HEXIM2: variants seen among roughly 807,000 people sequenced by gnomAD.
HEXIM2 encodes the protein protein HEXIM2.
For missense variants in HEXIM2, 413 were observed against 390.8 expected (o/e 1.06, Z -0.48); for synonymous variants, 159 against 162.7 (o/e 0.98, Z 0.17).
chr17:45,169,344 C>A lies in HEXIM2; in HGVS notation c.396C>A (p.Phe132Leu), dbSNP rs372907073. The A allele has an allele frequency of 1.2e-6, 2 of 1,613,812 alleles. No individual in the cohort carries two copies. Among genetic ancestry groups the A allele is most frequent in the African/African-American group, 1.3e-5 (1 of 75,016 alleles). ...CCTCCCGGGTCCGCGAAGAGATGTT[C>A]GCCAAAGGCCAGCCCGTGGCCCCCT... ...QRASRVREEM[F>L]AKGQPVAPYN... The change falls in exon 4 of 4, where the codon TTC becomes TTA. Residue 132 changes from phenylalanine (F) to leucine (L), a missense_variant. Transcript: ENST00000589230.
upstream of HEXIM2, chr17:45,160,937 A>T (rs1385440972): frequency 7.8e-7 from 1 of 1,289,584 alleles, no homozygotes; most frequent in East Asian, 5.5e-5. Flanking sequence ...GCTTTGGTGT[A>T]AGCGAGGTAA....
intron 3 of HEXIM2, among the ~76,000 whole-genome samples, chr17:45,167,062 A>C (rs1310105579): frequency 2.9e-5 from 4 of 138,912 alleles, no homozygotes; most frequent in African/African-American, 1.1e-4. Flanking sequence ...GCAGTGGCTC[A>C]TGCCTATAAT....
In HEXIM2 at chr17:45,169,628, CGGA is replaced by C; in HGVS notation, c.688_690del (p.Glu230del). The C allele has an allele frequency of 1.3e-6, 2 of 1,535,404 alleles. No homozygotes were observed. The highest frequency in any genetic ancestry group is 1.8e-6 in the Non-Finnish European group (2 of 1,139,266). ...GAGCTGGAGAAGCGGCTGTCGCAGG[CGGA>C]GGAGGAGACTAGGAGGCTGCAGCAG... On this transcript the variant is annotated inframe_deletion, in exon 4 of 4. Coordinates refer to ENST00000589230, the MANE Select transcript of HEXIM2 (RefSeq NM_001303441.2).
Position 45,162,750 on chromosome 17 carries a change from G to T in HEXIM2, c.-44G>T, listed in dbSNP as rs761290229. The T allele has an allele frequency of 9.3e-6, 15 of 1,613,290 alleles. No individual in the cohort carries two copies. Among genetic ancestry groups the T allele is most frequent in the Admixed American group, 1.7e-5 (1 of 59,990 alleles). On this transcript the variant is annotated splice_region_variant and 5_prime_UTR_variant, in exon 3 of 4. Transcript: ENST00000589230. ...AGGTTTCTGTTGTTGTTCAAAGCAG[G>T]TGTCACTAGTTCCAGGCGTCTGCTG...
chr17:45,163,682 C>T lies in HEXIM2; in HGVS notation c.66+823C>T, dbSNP rs541827194. On this transcript the variant is annotated intron_variant, in intron 3 of 3. Coordinates refer to ENST00000589230, the MANE Select transcript of HEXIM2 (RefSeq NM_001303441.2). ...TGGCCAACATGGTGAAACCTCATCT[C>T]TACTAAAAATACAAAAATTAGCTGG... 3.3e-5 allele frequency among the ~76,000 whole-genome samples: 5 copies of T among 152,064 alleles called. No individual in the cohort carries two copies. In the South Asian group the frequency reaches 1.0e-3, roughly 32 times the overall value.
At chr17:45,163,164 A>G (rs2042748848) in intron 3 of HEXIM2, among the ~76,000 whole-genome samples, 1 of 152,024 alleles carries the variant, frequency 6.6e-6, no homozygotes, top group Admixed American at 6.6e-5. Flanking sequence ...GCTGTACTGA[A>G]AATGCAAAAT....
At chr17:45,161,824 T>C, upstream of HEXIM2, 1 of 985,480 alleles carries the variant, frequency 1.0e-6, no homozygotes, top group Non-Finnish European at 1.2e-6. Flanking sequence ...CTTGGATCGC[T>C]TTTCAGGCCA....
rs1225823855 is a variant in HEXIM2 at position 45,162,853 on chromosome 17, G to C, written c.60G>C (p.Glu20Asp). ...CNAESPVALE[E>D]AKTSGAPGSP... Reference sequence around the variant, plus strand: ...CAGAGTCACCAGTGGCCCTGGAGGAGGCCAAGGTAAGTCCCTGCCCTCCTG... The same window carrying C: ...CAGAGTCACCAGTGGCCCTGGAGGACGCCAAGGTAAGTCCCTGCCCTCCTG... Residue 20 changes from glutamate (E) to aspartate (D), a missense_variant, in exon 3 of 4, where the codon GAG becomes GAC. Glu to Asp is a conservative substitution (Grantham distance 45, BLOSUM62 2). Transcript: ENST00000589230. The C allele has an allele frequency of 6.2e-7, 1 of 1,611,972 alleles. No individual in the cohort carries two copies. Among genetic ancestry groups the C allele is most frequent in the African/African-American group, 1.3e-5 (1 of 74,866 alleles).
chr17:45,163,553 C>G, intron 3 of HEXIM2, among the ~76,000 whole-genome samples: 1 of 152,124 alleles, frequency 6.6e-6, no homozygotes, highest in East Asian at 1.9e-4. Flanking sequence ...ACATTTTGTC[C>G]AGGCTAAGAA....
At chr17:45,166,853 A>G (rs1039306506) in intron 3 of HEXIM2, among the ~76,000 whole-genome samples, 4 of 151,656 alleles carry the variant, frequency 2.6e-5, no homozygotes, top group African/African-American at 9.7e-5. Flanking sequence ...GTGAAACCCC[A>G]TCTCTACTAA....
At chr17:45,161,051 G>A (rs1316515592), upstream of HEXIM2, 3 of 908,692 alleles carry the variant, frequency 3.3e-6, no homozygotes, top group African/African-American at 3.4e-5. Context: ...GCCAGCCTCT[G>A]GAATCTGGCG....
chr17:45,160,814 G>A (rs2042663190), upstream of HEXIM2: 1 of 825,666 alleles, frequency 1.2e-6, no homozygotes, highest in Non-Finnish European at 1.8e-6. Flanking sequence ...TTCAGGCACC[G>A]AGCTCGTGAA....
chr17:45,162,128 T>A, intron 1 of HEXIM2, 97 bp downstream of exon 1: 1 of 484,878 alleles, frequency 2.1e-6, no homozygotes. Flanking sequence ...CAGCTGCATG[T>A]AGTGCAAAGA....
chr17:45,161,967 C>T lies in HEXIM2; in HGVS notation c.-257C>T. ...AGGGCTCAGGCGTTGGGAATTGCAC[C>T]GACAGGCAGTCGCACAGAAAGGCAC... is the stretch of plus-strand genomic sequence containing the variant. On this transcript the variant is annotated 5_prime_UTR_variant, in exon 1 of 4. Transcript: ENST00000589230. 1.0e-6 allele frequency: 1 copy of T among 985,576 alleles called. No homozygotes were observed. The highest frequency in any genetic ancestry group is 1.2e-6 in the Non-Finnish European group (1 of 830,036). The allele number at this position is 985,576 out of a possible 1,614,324, so 61.1% of individuals were successfully genotyped here.
At chr17:45,168,946 G>A in intron 3 of HEXIM2, 69 bp from the exon 4 acceptor site, 1 of 1,425,662 alleles carries the variant, frequency 7.0e-7, no homozygotes, top group East Asian at 2.3e-5. Flanking sequence ...AGGCTAGGTA[G>A]AGAGGGAAAG....
In HEXIM2 at chr17:45,169,912, A is replaced by T; in HGVS notation, c.*103A>T. On this transcript the variant is annotated 3_prime_UTR_variant, in exon 4 of 4. Transcript: ENST00000589230. ...CAGGTGGCAGATGAAAACCACCGTCAACACCCTGTGCGCCCTGAGAACAGC... is the reference window on the plus strand; with the variant it reads ...CAGGTGGCAGATGAAAACCACCGTCTACACCCTGTGCGCCCTGAGAACAGC... 1 of 973,164 alleles carries T rather than the reference A, an allele frequency of 1.0e-6. No individual in the cohort carries two copies. Among genetic ancestry groups the T allele is most frequent in the Non-Finnish European group, 1.4e-6 (1 of 695,014 alleles). 60.3% of individuals were successfully genotyped at this position (973,164 alleles called of 1,614,324 possible).
chr17:45,168,921 A>G, intron 3 of HEXIM2, 94 bp from the exon 4 acceptor site: 1 of 1,198,794 alleles, frequency 8.3e-7, no homozygotes, highest in Non-Finnish European at 1.2e-6. Flanking sequence ...AGCTGAGTGT[A>G]GGAAGGTAGG....
At chr17:45,165,941 C>T (rs896513994) in intron 3 of HEXIM2, among the ~76,000 whole-genome samples, 7 of 151,922 alleles carry the variant, frequency 4.6e-5, no homozygotes, top group South Asian at 2.1e-4. Context: ...ATTACAGGTG[C>T]GTGCCACCAC....
In HEXIM2 at chr17:45,169,773, A is replaced by T; in HGVS notation, c.825A>T (p.Arg275=). 6.9e-7 allele frequency: 1 copy of T among 1,457,330 alleles called. No homozygotes were observed. Among genetic ancestry groups the T allele is most frequent in the Non-Finnish European group, 9.0e-7 (1 of 1,105,320 alleles). The allele number at this position is 1,457,330 out of a possible 1,614,324, so 90.3% of individuals were successfully genotyped here. A position where few individuals can be genotyped will look rare whatever the true frequency, so the allele number is the denominator to read the frequency against. ...GTCAGGAGAACCAGATGTGGAACCG[A>T]GAGGGCTGCCGCTGTGATGAGGAGC... ...RLRQENQMWN[R]EGCRCDEEPG... is the part of the protein sequence containing the mutation. The change falls in exon 4 of 4, where the codon CGA becomes CGT. Residue 275 remains arginine, a synonymous_variant. Transcript: ENST00000589230.
Sources: gnomAD v4.1 joint callset for allele counts (sites outside exome capture counted in the v4.1 genomes callset) on GRCh38, gnomAD v4.1.1 for gene constraint, MANE v1.5 for transcripts, NCBI Gene and HGNC (gene_info 2026-07-23, HGNC 2026-07-21) for gene names.